The following HS6ST2 variants were observed in gnomAD, a reference collection of about 807,000 sequenced individuals.
HS6ST2 encodes heparan sulfate 6-O-sulfotransferase 2, also known as heparan-sulfate 6-O-sulfotransferase 2.
In HS6ST2, 17 loss-of-function variants were observed where a neutral mutation model predicts 33.0. That is an observed-to-expected ratio of 0.52 (90% CI 0.35 to 0.77). The LOEUF (loss-of-function observed/expected upper bound fraction) is 0.77. Among genes scored for constraint, HS6ST2 ranks in the 30% least tolerant of loss-of-function variants. The pLI is 0.01. For synonymous variants in HS6ST2, 248 were observed against 237.1 expected (o/e 1.05, Z -0.42); for missense variants, 519 against 551.7 (o/e 0.94, Z 0.59).
intron 2 of HS6ST2, among the ~76,000 whole-genome samples, chrX:132,810,694 T>C (rs1051557461): frequency 2.7e-5 from 3 of 111,615 alleles, no homozygotes; most frequent in African/African-American, 9.8e-5. Context: ...GAAGAGCTCA[T>C]GTGCATTTCT....
intron 2 of HS6ST2, among the ~76,000 whole-genome samples, chrX:132,748,939 T>C (rs1359152032): frequency 9.0e-6 from 1 of 111,475 alleles, no homozygotes; most frequent in African/African-American, 3.3e-5. Flanking sequence ...TCAGACACTC[T>C]TGATTTCATT....
intron 2 of HS6ST2, among the ~76,000 whole-genome samples, chrX:132,804,130 A>G (rs750139339): frequency 2.7e-5 from 3 of 112,471 alleles, no homozygotes; most frequent in Non-Finnish European, 5.6e-5. Flanking sequence ...TGCCTGTTAT[A>G]AAAGTGTGAC....
Position 132,957,183 on chromosome X carries a change from G to C in HS6ST2, c.572C>G (p.Pro191Arg), listed in dbSNP as rs1245417639. 8.3e-6 allele frequency: 10 copies of C among 1,210,048 alleles called. No homozygotes were observed. In the Middle Eastern group the frequency reaches 1.6e-3, roughly 195 times the overall value. Residue 191 changes from proline (P) to arginine (R), a missense_variant, in exon 2 of 5, where the codon CCG (proline) becomes CGG (arginine). By Grantham distance (103) the Pro-to-Arg change is moderately radical. Coordinates refer to ENST00000370833, the MANE Select transcript of HS6ST2 (RefSeq NM_001394073.1). ...CTCATCCTCCGAGCGGTACGGGTCC[G>C]GCACCGGGGAGCTGAACGCCTGCAG... ...LRLQAFSSPV[P>R]DPYRSEDESS...
At chrX:132,664,908 T>C (rs1020753294) in intron 4 of HS6ST2, among the ~76,000 whole-genome samples, 1 of 111,999 alleles carries the variant, frequency 8.9e-6, no homozygotes, top group African/African-American at 3.3e-5. Context: ...TCTATCTACC[T>C]ATCTAATCTA....
intron 2 of HS6ST2, among the ~76,000 whole-genome samples, chrX:132,768,479 T>A (rs2064870350): frequency 9.0e-6 from 1 of 111,581 alleles, no homozygotes; most frequent in Non-Finnish European, 1.9e-5. Context: ...AACGTGTACA[T>A]CATATAAGGA....
intron 3 of HS6ST2, among the ~76,000 whole-genome samples, chrX:132,700,243 A>G (rs1402189108): frequency 8.9e-6 from 1 of 111,958 alleles, no homozygotes; most frequent in Non-Finnish European, 1.9e-5. Flanking sequence ...CAAGATATTG[A>G]TGAAGCTCCC....
intron 2 of HS6ST2, among the ~76,000 whole-genome samples, chrX:132,800,403 T>C (rs781653437): frequency 7.2e-5 from 8 of 111,844 alleles, no homozygotes; most frequent in Non-Finnish European, 1.3e-4. Flanking sequence ...TAGTGAGTTG[T>C]ATAATTATTT....
At chrX:132,794,185 T>C (rs1277909175) in intron 2 of HS6ST2, among the ~76,000 whole-genome samples, 2 of 111,868 alleles carry the variant, frequency 1.8e-5, no homozygotes, top group East Asian at 5.6e-4. Context: ...ATATCAGAAA[T>C]GTAGCGCTTG....
intron 2 of HS6ST2, among the ~76,000 whole-genome samples, chrX:132,894,342 T>A (rs1273430374): frequency 2.8e-5 from 3 of 108,073 alleles, no homozygotes; most frequent in Admixed American, 1.0e-4. Flanking sequence ...GGTTTCACCA[T>A]GTTGGTCAGG....
chrX:132,720,232 G>T (rs1341004191), intron 2 of HS6ST2, among the ~76,000 whole-genome samples: 1 of 112,303 alleles, frequency 8.9e-6, no homozygotes, highest in Non-Finnish European at 1.9e-5. Context: ...TTGTATAAGT[G>T]GCACATCATT....
chrX:132,937,820 C>A (rs1247463275), intron 2 of HS6ST2, among the ~76,000 whole-genome samples: 2 of 110,812 alleles, frequency 1.8e-5, no homozygotes, highest in Non-Finnish European at 3.8e-5. Flanking sequence ...CAAGAGAATG[C>A]GAGGTTGGCT....
At chrX:132,674,988 G>C (rs2063912813) in intron 3 of HS6ST2, among the ~76,000 whole-genome samples, 1 of 111,589 alleles carries the variant, frequency 9.0e-6, no homozygotes, top group Non-Finnish European at 1.9e-5. Flanking sequence ...ACAGAACTTG[G>C]GGATTGACTA....
chrX:132,883,093 T>C (rs2066198818), intron 2 of HS6ST2, among the ~76,000 whole-genome samples: 1 of 111,213 alleles, frequency 9.0e-6, no homozygotes, highest in African/African-American at 3.3e-5. Context: ...TTCTCTTTTT[T>C]TTTGTTGTGT....
chrX:132,713,185 G>A (rs1416212200), intron 2 of HS6ST2, among the ~76,000 whole-genome samples: 8 of 111,398 alleles, frequency 7.2e-5, no homozygotes, highest in South Asian at 3.9e-4. Context: ...AACAGCAAAC[G>A]ACATGGGTAG....
intron 2 of HS6ST2, among the ~76,000 whole-genome samples, chrX:132,894,788 G>A (rs1205112760): frequency 9.1e-6 from 1 of 110,127 alleles, no homozygotes; most frequent in African/African-American, 3.3e-5. Flanking sequence ...CACCAGCCTC[G>A]GCCTCCCAAA....
At chrX:132,698,060 G>A (rs1006772326) in intron 3 of HS6ST2, among the ~76,000 whole-genome samples, 5 of 111,582 alleles carry the variant, frequency 4.5e-5, no homozygotes, top group Admixed American at 1.9e-4. Flanking sequence ...CACACAAGGG[G>A]TCCTCAATTC....
chrX:132,825,524 A>G (rs1388153513), intron 2 of HS6ST2, among the ~76,000 whole-genome samples: 2 of 111,478 alleles, frequency 1.8e-5, no homozygotes, highest in Non-Finnish European at 3.8e-5. Flanking sequence ...ATATCTCCTG[A>G]TGGTTAAAGT....
chrX:132,799,780 T>C (rs1429469340), intron 2 of HS6ST2, among the ~76,000 whole-genome samples: 1 of 111,516 alleles, frequency 9.0e-6, no homozygotes, highest in Non-Finnish European at 1.9e-5. Context: ...ACTTTCTTCA[T>C]CCAGAATGTG....
chrX:132,886,199 A>C (rs996450233), intron 2 of HS6ST2, among the ~76,000 whole-genome samples: 1 of 111,963 alleles, frequency 8.9e-6, no homozygotes, highest in African/African-American at 3.2e-5. Context: ...GAAGTATGAC[A>C]ACAAAAATAA....
Sources: gnomAD v4.1 joint callset for allele counts (sites outside exome capture counted in the v4.1 genomes callset) on GRCh38, gnomAD v4.1.1 for gene constraint, MANE v1.5 for transcripts, NCBI Gene and HGNC (gene_info 2026-07-23, HGNC 2026-07-21) for gene names.